Variants in ELN observed in about 807,000 individuals in gnomAD.
The protein encoded by ELN is elastin, also known as tropoelastin.
Under a neutral mutation model 105.8 loss-of-function variants are expected in ELN, and 65 were observed. The observed-to-expected ratio is 0.61, with a 90% CI of 0.50 to 0.75. The LOEUF is 0.75. Ranked by LOEUF, ELN falls within the 30% of genes least tolerant of loss-of-function variation. The pLI is 0.00. For missense variants in ELN, 882 were observed against 969.4 expected (o/e 0.91, Z 1.20); for synonymous variants, 368 against 389.2 (o/e 0.95, Z 0.64).
rs781997146 is a variant in ELN at position 74,042,644 on chromosome 7, C to T, written c.263C>T (p.Pro88Leu). The T allele has an allele frequency of 2.0e-5, 32 of 1,613,654 alleles. No homozygotes were observed. The Admixed American group carries it at 2.2e-4, about 11-fold the overall frequency. ...GGCGCCTTCCCCGCAGTTACCTTTCCGGGGGCTCTGGTGCCTGGTGGAGTG... is the reference window on the plus strand; with the variant it reads ...GGCGCCTTCCCCGCAGTTACCTTTCTGGGGGCTCTGGTGCCTGGTGGAGTG... Reference protein sequence around the residue: ...GLGAFPAVTFPGALVPGGVAD... With the variant: ...GLGAFPAVTFLGALVPGGVAD... The change falls in exon 6 of 33, where the codon CCG becomes CTG. Residue 88 changes from proline (P) to leucine (L), a missense_variant. Coordinates refer to ENST00000252034, the MANE Select transcript of ELN (RefSeq NM_000501.4).
Position 74,028,262 on chromosome 7 carries a change from G to A in ELN, c.75G>A (p.Arg25=). 6.2e-7 allele frequency: 1 copy of A among 1,608,018 alleles called. No individual in the cohort carries two copies. The highest frequency in any genetic ancestry group is 8.5e-7 in the Non-Finnish European group (1 of 1,179,230). Reference sequence around the variant, plus strand: ...TGCTGTCCATCCTCCACCCCTCTCGGCCTGGAGGTAAGGACCCCTCGCCCC... The same window carrying A: ...TGCTGTCCATCCTCCACCCCTCTCGACCTGGAGGTAAGGACCCCTCGCCCC... ...LLLLSILHPS[R]PGGVPGAIPG... The change falls in exon 1 of 33, where the codon CGG becomes CGA. Residue 25 remains arginine (R), a synonymous_variant. Transcript: ENST00000252034.
intron 2 of ELN, 50 bp downstream of exon 2, chr7:74,035,464 T>C (rs888291783): frequency 1.2e-6 from 2 of 1,606,438 alleles, no homozygotes; most frequent in Middle Eastern, 1.7e-4. Context: ...ATGATGCTGA[T>C]GTCCATAATA....
chr7:74,042,944 C>T, intron 6 of ELN, 40 bp from the exon 7 acceptor site: 1 of 1,614,102 alleles, frequency 6.2e-7, no homozygotes, highest in Non-Finnish European at 8.5e-7. Context: ...TGCCTCCCCA[C>T]TGTTCCTTAC....
intron 26 of ELN, 103 bp downstream of exon 26, chr7:74,061,242 C>T (rs1375068573): frequency 2.3e-5 from 33 of 1,454,418 alleles, no homozygotes; most frequent in Non-Finnish European, 3.0e-5. Flanking sequence ...TTCGGCCGGG[C>T]GTGGTGGCTC....
At chr7:74,028,662 C>T (rs1554660406) in intron 1 of ELN, among the ~76,000 whole-genome samples, 1 of 152,184 alleles carries the variant, frequency 6.6e-6, no homozygotes. Flanking sequence ...GGGGTGCACA[C>T]CAGCCCTGGG....
At position 74,060,163 on chromosome 7, in the gene ELN, G is replaced by T; in HGVS notation, c.1600G>T (p.Val534Leu). Residue 534 changes from valine (V) to leucine (L), a missense_variant, in exon 24 of 33, where the codon GTG becomes TTG. By Grantham distance (32) the Val-to-Leu change is conservative. Coordinates refer to ENST00000252034, the MANE Select transcript of ELN (RefSeq NM_000501.4). ...AGCTGCAGCAAAATCCGCTGCCAAG[G>T]TGGCTGCCAAAGCCCAGCTCCGTGA... ...VAAAAKSAAK[V>L]AAKAQLRAAA... The T allele has an allele frequency of 2.5e-6, 4 of 1,614,062 alleles. No homozygotes were observed. Among genetic ancestry groups the T allele is most frequent in the African/African-American group, 1.3e-5 (1 of 75,028 alleles).
intron 1 of ELN, among the ~76,000 whole-genome samples, chr7:74,034,302 CA>C (rs1489088508): frequency 6.6e-6 from 1 of 152,140 alleles, no homozygotes; most frequent in Non-Finnish European, 1.5e-5. Context: ...CTCTACCCGG[CA>C]GCTCAGCTCG....
chr7:74,057,485 G>T, intron 21 of ELN, 155 bp from the exon 22 acceptor site: 1 of 1,575,218 alleles, frequency 6.3e-7, no homozygotes, highest in Non-Finnish European at 8.6e-7. Context: ...TGTGTCTCCA[G>T]CCCAGAGATG....
intron 12 of ELN, 147 bp from the exon 13 acceptor site, chr7:74,047,528 C>A (rs556778186): frequency 9.4e-7 from 1 of 1,060,856 alleles, no homozygotes; most frequent in Non-Finnish European, 1.5e-6. Flanking sequence ...CTTCACCCAG[C>A]GCCTTTGCTC....
chr7:74,050,065 T>TCATC (rs1278442378), intron 15 of ELN, among the ~76,000 whole-genome samples: 57 of 124,658 alleles, frequency 4.6e-4, no homozygotes, highest in Admixed American at 2.0e-3. Flanking sequence ...TTCCATCCAT[T>TCATC]CATCCATCCA....
chr7:74,036,024 C>A (rs1554665403), intron 2 of ELN, among the ~76,000 whole-genome samples: 1 of 152,008 alleles, frequency 6.6e-6, no homozygotes. Context: ...GGCACGGTGG[C>A]TCAAGCCTGT....
intron 10 of ELN, 71 bp from the exon 11 acceptor site, chr7:74,046,117 T>C: frequency 6.2e-7 from 1 of 1,602,480 alleles, no homozygotes; most frequent in Non-Finnish European, 8.5e-7. Context: ...TTGGGCCTCC[T>C]GGCCCCTTGG....
intron 4 of ELN, among the ~76,000 whole-genome samples, chr7:74,038,399 C>T (rs1172131299): frequency 6.6e-6 from 1 of 152,222 alleles, no homozygotes; most frequent in Non-Finnish European, 1.5e-5. Flanking sequence ...ACCATGGCCC[C>T]GGATAAGCTC....
At chr7:74,033,987 G>A (rs887955252) in intron 1 of ELN, among the ~76,000 whole-genome samples, 3 of 152,174 alleles carry the variant, frequency 2.0e-5, no homozygotes, top group Admixed American at 1.3e-4. Flanking sequence ...GCATCACAGC[G>A]TTCCCCAGTG....
At chr7:74,038,151 TGAGTGGTCCCCTAGCCCTTGACCCCA>T (rs1470059454) in intron 4 of ELN, 8 of 324,232 alleles carry the variant, frequency 2.5e-5, no homozygotes, top group Non-Finnish European at 4.8e-5. Context: ...AGACTTCCCC[TGAGTGGTCCCCTAGCCCTTGACCCCA>T]GACCAATACC....
chr7:74,042,864 G>A, intron 6 of ELN, 120 bp from the exon 7 acceptor site: 1 of 1,575,974 alleles, frequency 6.3e-7, no homozygotes, highest in Non-Finnish European at 8.7e-7. Context: ...GCTGTGCCCA[G>A]TCTGAAGGTG....
intron 30 of ELN, 22 bp from the exon 31 acceptor site, chr7:74,065,922 G>T: frequency 6.2e-7 from 1 of 1,614,104 alleles, no homozygotes; most frequent in Non-Finnish European, 8.5e-7. Flanking sequence ...GTCTTATCCT[G>T]ACCCCACCTG....
chr7:74,056,612 G>T (rs782269979), intron 20 of ELN, 60 bp from the exon 21 acceptor site: 1 of 1,612,724 alleles, frequency 6.2e-7, no homozygotes, highest in Non-Finnish European at 8.5e-7. Flanking sequence ...CTTTAAACAC[G>T]GCTCGGAGGA....
chr7:74,037,460 C>T (rs1483984092), intron 3 of ELN, among the ~76,000 whole-genome samples: 1 of 152,202 alleles, frequency 6.6e-6, no homozygotes, highest in Non-Finnish European at 1.5e-5. Context: ...TCCCAAAGTG[C>T]TAGGATTACA....
Sources: allele counts gnomAD v4.1 joint callset (sites outside exome capture counted in the v4.1 genomes callset), GRCh38; gene constraint gnomAD v4.1.1; transcripts MANE v1.5; gene names NCBI Gene and HGNC (gene_info 2026-07-23, HGNC 2026-07-21).